TANC1: variants seen among roughly 807,000 people sequenced by gnomAD.
TANC1 encodes tetratricopeptide repeat, ankyrin repeat and coiled-coil containing 1, also known as protein TANC1.
Under a neutral mutation model 149.7 loss-of-function variants are expected in TANC1, and 77 were observed. That is an observed-to-expected ratio of 0.51 (90% CI 0.43 to 0.62). The LOEUF (loss-of-function observed/expected upper bound fraction) is 0.62. TANC1 is among the 20% of genes least tolerant of loss of function. TANC1 has a pLI of 0.00. For missense variants in TANC1, 1,985 were observed against 2,321.8 expected (o/e 0.85, Z 2.98); for synonymous variants, 854 against 925.0 (o/e 0.92, Z 1.39).
At chr2:158,977,318 A>AT (rs1019473620) in intron 1 of TANC1, among the ~76,000 whole-genome samples, 20 of 148,950 alleles carry the variant, frequency 1.3e-4, no homozygotes, top group African/African-American at 3.7e-4. Flanking sequence ...TTAAAAAAAA[A>AT]TTTTTTTTTT....
intron 2 of TANC1, among the ~76,000 whole-genome samples, chr2:159,012,142 T>G (rs2037836515): frequency 2.6e-5 from 4 of 152,208 alleles, no homozygotes; most frequent in African/African-American, 9.7e-5. Context: ...AAATGCTCTG[T>G]GTTTCCTAAA....
intron 1 of TANC1, among the ~76,000 whole-genome samples, chr2:158,996,806 C>T (rs770177256): frequency 2.6e-5 from 4 of 152,000 alleles, no homozygotes; most frequent in Admixed American, 6.6e-5. Context: ...TAAAACAATG[C>T]GTATACCAAT....
intron 22 of TANC1, among the ~76,000 whole-genome samples, chr2:159,222,187 G>GT (rs2059748449): frequency 6.6e-6 from 1 of 152,200 alleles, no homozygotes. Context: ...ACATTGTGTA[G>GT]TTTATCAAAA....
In TANC1 at chr2:159,196,634, G is replaced by A. The variant is rs1316829441; in HGVS notation, c.3006G>A (p.Gln1002=). 1.9e-6 allele frequency: 3 copies of A among 1,609,000 alleles called. No homozygotes were observed. The highest frequency in any genetic ancestry group is 3.4e-5 in the Admixed American group (2 of 59,436). ...TGGACCACTTGGATAAGAAGGGCCA[G>A]TGTGCGCTTGTCCACAGTGCCCTAC... ...VRVDHLDKKG[Q]CALVHSALRG... is the part of the protein sequence containing the mutation. The change falls in exon 18 of 27, where the codon CAG becomes CAA. Residue 1002 remains glutamine, a synonymous_variant. Transcript: ENST00000263635.
intron 1 of TANC1, among the ~76,000 whole-genome samples, chr2:158,986,348 C>G (rs2035001562): frequency 6.6e-6 from 1 of 152,190 alleles, no homozygotes; most frequent in South Asian, 2.1e-4. Context: ...AGGGGAGGGG[C>G]AGAGTTTGGG....
Position 159,172,129 on chromosome 2 carries a change from C to T in TANC1, c.1360C>T (p.Pro454Ser). The T allele has an allele frequency of 1.2e-6, 2 of 1,614,098 alleles. No homozygotes were observed. The highest frequency in any genetic ancestry group is 1.7e-6 in the Non-Finnish European group (2 of 1,180,002). Residue 454 changes from proline to serine, a missense_variant, in exon 11 of 27, where the codon CCC becomes TCC. Coordinates refer to ENST00000263635, the MANE Select transcript of TANC1 (RefSeq NM_033394.3). ...TGGGTCTTTCTCTGCAGCCTCTGAC[C>T]CCACTCAGGATCTTCATTTCACTCC... ...SPGSSPKTSD[P>S]TQDLHFTPLL... is the part of the protein sequence containing the mutation.
intron 1 of TANC1, among the ~76,000 whole-genome samples, chr2:158,974,317 A>G (rs967614630): frequency 2.0e-5 from 3 of 152,226 alleles, no homozygotes; most frequent in Non-Finnish European, 4.4e-5. Flanking sequence ...CTTGATACCT[A>G]TGGAAGATTG....
intron 3 of TANC1, among the ~76,000 whole-genome samples, chr2:159,089,019 G>T (rs942100054): frequency 2.0e-5 from 3 of 152,154 alleles, no homozygotes; most frequent in African/African-American, 7.2e-5. Flanking sequence ...AAAGAGAAAA[G>T]ATGCAATCAG....
In TANC1 at chr2:159,173,987, T is replaced by TG. The variant is rs537739254; in HGVS notation, c.1504-965dup. On this transcript the variant is annotated intron_variant, in intron 11 of 26. Transcript: ENST00000263635. ...CCTCAGTGTCTGGTGCCCTCAGTGATGAACTGTGGCTAGTGGTTCTTGTCC... is the reference window on the plus strand; with the variant it reads ...CCTCAGTGTCTGGTGCCCTCAGTGATGGAACTGTGGCTAGTGGTTCTTGTCC... Among the ~76,000 whole-genome samples, 114 of 152,342 alleles carry TG rather than the reference T, an allele frequency of 7.5e-4. No homozygotes were observed. The South Asian group carries it at 0.023, about 31-fold the overall frequency.
chr2:158,970,537 G>T (rs2032711134), intron 1 of TANC1, among the ~76,000 whole-genome samples: 1 of 152,216 alleles, frequency 6.6e-6, no homozygotes, highest in African/African-American at 2.4e-5. Context: ...CTTCCCTAGA[G>T]TATGCCAGTT....
chr2:159,219,651 T>C, intron 21 of TANC1, 41 bp from the exon 22 acceptor site: 1 of 1,612,454 alleles, frequency 6.2e-7, no homozygotes, highest in Non-Finnish European at 8.5e-7. Context: ...GGCTTTGTCA[T>C]CTCATAATGT....
rs575978541 is a variant in TANC1 at position 159,132,215 on chromosome 2, T to G, written c.260-3979T>G. On this transcript the variant is annotated intron_variant, in intron 4 of 26. Transcript: ENST00000263635. ...GGAAATTGTACTTTTCTCCCAGAGT[T>G]ATTAGGAATGAGTGAATTAATGTAT... 1.6e-4 allele frequency among the ~76,000 whole-genome samples: 25 copies of G among 152,354 alleles called. No individual in the cohort carries two copies. In the South Asian group the frequency reaches 4.6e-3, roughly 28 times the overall value.
chr2:159,050,738 G>T (rs1296642842), intron 2 of TANC1, among the ~76,000 whole-genome samples: 1 of 152,142 alleles, frequency 6.6e-6, no homozygotes, highest in Non-Finnish European at 1.5e-5. Flanking sequence ...TTGCTTTTGT[G>T]GTTGGTTGCT....
chr2:159,175,236 A>T (rs1459562452), intron 12 of TANC1, 52 bp downstream of exon 12: 1 of 1,480,268 alleles, frequency 6.8e-7, no homozygotes, highest in African/African-American at 1.4e-5. Context: ...TACAGCAGAC[A>T]CAGGTGGTCC....
intron 2 of TANC1, among the ~76,000 whole-genome samples, chr2:159,006,918 C>T (rs1334899407): frequency 6.6e-6 from 1 of 152,154 alleles, no homozygotes; most frequent in Non-Finnish European, 1.5e-5. Flanking sequence ...AAATCATTTC[C>T]TCATAACTGA....
chr2:159,019,671 T>G (rs1252416669), intron 2 of TANC1, among the ~76,000 whole-genome samples: 2 of 138,634 alleles, frequency 1.4e-5, no homozygotes, highest in Admixed American at 7.3e-5. Context: ...TTTTTTTTTT[T>G]TTTTTTTTTT....
At chr2:159,124,742 AT>A (rs112193005) in intron 4 of TANC1, among the ~76,000 whole-genome samples, 746 of 144,784 alleles carry the variant, frequency 5.2e-3, no homozygotes, top group African/African-American at 0.016. Context: ...AATCAGCTGC[AT>A]TTTTTTTTTT....
chr2:159,071,491 C>T (rs1218677118), intron 3 of TANC1, among the ~76,000 whole-genome samples: 1 of 152,120 alleles, frequency 6.6e-6, no homozygotes, highest in Non-Finnish European at 1.5e-5. Context: ...TGGATAGTCT[C>T]TAAGCCTGTG....
At chr2:158,997,072 G>A (rs62182246) in intron 1 of TANC1, among the ~76,000 whole-genome samples, 3,314 of 152,194 alleles carry the variant, frequency 0.022, 54 homozygotes, top group Middle Eastern at 0.054. Context: ...TTAAGAGAGT[G>A]GGGACAGAAA....
Sources: gnomAD v4.1 joint callset for allele counts (sites outside exome capture counted in the v4.1 genomes callset) on GRCh38, gnomAD v4.1.1 for gene constraint, MANE v1.5 for transcripts, NCBI Gene and HGNC (gene_info 2026-07-23, HGNC 2026-07-21) for gene names.